Variants in NCAM2 observed in about 807,000 individuals in gnomAD.
NCAM2 encodes the protein N-CAM-2.
A neutral mutation model predicts 98.1 loss-of-function variants in NCAM2; 30 were observed. The observed-to-expected ratio is 0.31, with a 90% CI of 0.23 to 0.41. The LOEUF (loss-of-function observed/expected upper bound fraction) is 0.41. NCAM2 is among the 10% of genes least tolerant of loss of function. The pLI is 1.00. For synonymous variants in NCAM2, 368 were observed against 342.4 expected (o/e 1.07, Z -0.83); for missense variants, 867 against 1,005.8 (o/e 0.86, Z 1.87).
intron 1 of NCAM2, among the ~76,000 whole-genome samples, chr21:21,137,589 T>A (rs1385940639): frequency 6.6e-6 from 1 of 152,080 alleles, no homozygotes; most frequent in Non-Finnish European, 1.5e-5. Flanking sequence ...AGAAACCCTG[T>A]CTCTACTAAA....
At chr21:21,313,888 C>T (rs890132192) in intron 5 of NCAM2, among the ~76,000 whole-genome samples, 2 of 151,922 alleles carry the variant, frequency 1.3e-5, no homozygotes, top group Admixed American at 6.6e-5. Context: ...AATTCAATGT[C>T]CCTATTTAAG....
At chr21:21,288,617 AT>A (rs1165761898) in intron 4 of NCAM2, among the ~76,000 whole-genome samples, 11 of 151,764 alleles carry the variant, frequency 7.2e-5, no homozygotes, top group African/African-American at 2.6e-4. Flanking sequence ...GTAGAAACTT[AT>A]CACATAAATC....
chr21:21,069,532 G>A (rs939820630), intron 1 of NCAM2, among the ~76,000 whole-genome samples: 3 of 152,142 alleles, frequency 2.0e-5, no homozygotes, highest in African/African-American at 4.8e-5. Context: ...CCACAGGTAA[G>A]TTCTAATACC....
At chr21:21,520,797 C>A (rs1988972981) in intron 16 of NCAM2, among the ~76,000 whole-genome samples, 1 of 151,944 alleles carries the variant, frequency 6.6e-6, no homozygotes, top group Non-Finnish European at 1.5e-5. Flanking sequence ...AGAACCAGTT[C>A]AGGAATAGGA....
intron 1 of NCAM2, among the ~76,000 whole-genome samples, chr21:21,177,935 A>T (rs916355771): frequency 2.6e-5 from 4 of 152,162 alleles, no homozygotes; most frequent in Non-Finnish European, 5.9e-5. Flanking sequence ...AGTTTATAAA[A>T]TAAAAATAGA....
At chr21:21,147,263 G>C in intron 1 of NCAM2, 2 of 984,352 alleles carry the variant, frequency 2.0e-6, no homozygotes, top group Non-Finnish European at 2.4e-6. Flanking sequence ...TAAATATTCA[G>C]AGATGTGTCA....
chr21:21,397,888 C>T (rs890509974), intron 9 of NCAM2, among the ~76,000 whole-genome samples: 1 of 152,216 alleles, frequency 6.6e-6, no homozygotes, highest in Non-Finnish European at 1.5e-5. Context: ...TGTGGAGATT[C>T]CTTAAAGAAC....
intron 10 of NCAM2, 40 bp from the exon 11 acceptor site, chr21:21,418,433 T>C (rs1569041438): frequency 1.4e-6 from 2 of 1,431,906 alleles, no homozygotes; most frequent in Non-Finnish European, 2.0e-6. Flanking sequence ...ACTTCTGTGA[T>C]GTTTTAGAAT....
chr21:21,066,243 A>T (rs1334573504), intron 1 of NCAM2, among the ~76,000 whole-genome samples: 1 of 152,166 alleles, frequency 6.6e-6, no homozygotes, highest in African/African-American at 2.4e-5. Context: ...TTATGGTCAG[A>T]GTTTCGTCTT....
chr21:21,354,346 A>G (rs1012975223), intron 8 of NCAM2, among the ~76,000 whole-genome samples: 1 of 152,140 alleles, frequency 6.6e-6, no homozygotes, highest in Non-Finnish European at 1.5e-5. Flanking sequence ...AACCAGCTTC[A>G]TCTCTTTTCT....
Position 21,214,730 on chromosome 21 carries a change from T to TAA in NCAM2, c.56-65847_56-65846insAA. Among the ~76,000 whole-genome samples, 6 of 79,818 alleles carry TAA rather than the reference T, an allele frequency of 7.5e-5. No homozygotes were observed. The South Asian group carries it at 2.3e-3, about 31-fold the overall frequency. The allele number at this position is 79,818 out of a possible 152,430, so 52.4% of individuals were successfully genotyped here. A position where few individuals can be genotyped will look rare whatever the true frequency, so the allele number is the denominator to read the frequency against. Reference sequence around the variant, plus strand: ...AGTAAATATATATATTCCATATATATATATATATATATATATACACTATAT... The same window carrying TAA: ...AGTAAATATATATATTCCATATATATAAATATATATATATATATACACTATAT... On this transcript the variant is annotated intron_variant, in intron 1 of 17. Transcript: ENST00000400546.
chr21:21,262,779 T>C (rs1313931463), intron 1 of NCAM2, among the ~76,000 whole-genome samples: 3 of 151,248 alleles, frequency 2.0e-5, no homozygotes, highest in Non-Finnish European at 1.5e-5. Flanking sequence ...AAAATAAAGA[T>C]ATTTAATGGA....
At chr21:21,180,073 A>G (rs2068420469) in intron 1 of NCAM2, among the ~76,000 whole-genome samples, 1 of 152,036 alleles carries the variant, frequency 6.6e-6, no homozygotes, top group South Asian at 2.1e-4. Flanking sequence ...GCAGGACTTC[A>G]TTTGTCCTTC....
intron 14 of NCAM2, among the ~76,000 whole-genome samples, chr21:21,477,084 A>G (rs1985264253): frequency 6.6e-6 from 1 of 152,092 alleles, no homozygotes; most frequent in African/African-American, 2.4e-5. Context: ...CTTTTTGGCT[A>G]ATATAAACAA....
chr21:21,089,782 T>G (rs1218741384), intron 1 of NCAM2, among the ~76,000 whole-genome samples: 2 of 152,214 alleles, frequency 1.3e-5, no homozygotes, highest in South Asian at 2.1e-4. Context: ...CAGCTACCGA[T>G]GTATGAATGG....
chr21:21,029,782 C>T (rs891054363), intron 1 of NCAM2, among the ~76,000 whole-genome samples: 19 of 151,798 alleles, frequency 1.3e-4, no homozygotes, highest in African/African-American at 3.4e-4. Context: ...AAGTGCACAC[C>T]GCCATGCCCA....
intron 1 of NCAM2, among the ~76,000 whole-genome samples, chr21:21,238,853 A>G (rs1052620723): frequency 6.6e-6 from 1 of 152,198 alleles, no homozygotes; most frequent in East Asian, 1.9e-4. Context: ...GCAGCTCCTC[A>G]AATATGTATT....
At chr21:21,204,397 A>G (rs2069355460) in intron 1 of NCAM2, among the ~76,000 whole-genome samples, 1 of 152,158 alleles carries the variant, frequency 6.6e-6, no homozygotes, top group Non-Finnish European at 1.5e-5. Flanking sequence ...TACTTGATAC[A>G]GAACACACTA....
rs532303875 is a variant in NCAM2, at chr21:21,215,485, G to A, written c.56-65093G>A. Among the ~76,000 whole-genome samples the A allele has an allele frequency of 1.8e-4, 27 of 152,186 alleles. 1 individual carries two copies. The South Asian group carries it at 1.9e-3, about 11-fold the overall frequency. ...CTGTAATCCCAGCACTTTGGAGGCC[G>A]AGGTGGGCAAATCTCTTGAGGTCAG... On this transcript the variant is annotated intron_variant, in intron 1 of 17. Transcript: ENST00000400546.
Sources: gnomAD v4.1 joint callset for allele counts (sites outside exome capture counted in the v4.1 genomes callset) on GRCh38, gnomAD v4.1.1 for gene constraint, MANE v1.5 for transcripts, NCBI Gene and HGNC (gene_info 2026-07-23, HGNC 2026-07-21) for gene names.